CNTN6: variants seen among roughly 807,000 people sequenced by gnomAD.
CNTN6 encodes contactin-6.
In CNTN6, 137 loss-of-function variants were observed where a neutral mutation model predicts 122.8. That is an observed-to-expected ratio of 1.12 (90% CI 0.97 to 1.29). The LOEUF (loss-of-function observed/expected upper bound fraction) is 1.29. Among genes scored for constraint, CNTN6 ranks in the 50% most tolerant of loss-of-function variants. The pLI is 0.00. For synonymous variants in CNTN6, 570 were observed against 426.0 expected (o/e 1.34, Z -4.16); for missense variants, 1,634 against 1,223.4 (o/e 1.34, Z -5.01).
intron 4 of CNTN6, among the ~76,000 whole-genome samples, chr3:1,238,671 A>G (rs2094448737): frequency 6.6e-6 from 1 of 152,202 alleles, no homozygotes; most frequent in Non-Finnish European, 1.5e-5. Context: ...ACATTCTCCA[A>G]CATAGACCAT....
At chr3:1,101,009 C>T (rs1384794425) in intron 1 of CNTN6, among the ~76,000 whole-genome samples, 1 of 151,940 alleles carries the variant, frequency 6.6e-6, no homozygotes, top group African/African-American at 2.4e-5. Context: ...TATGGGAGAC[C>T]AACCTTGTTT....
chr3:1,158,897 T>C (rs1575063990), intron 2 of CNTN6, among the ~76,000 whole-genome samples: 3 of 133,496 alleles, frequency 2.2e-5, no homozygotes, highest in African/African-American at 9.1e-5. Context: ...CACACATATA[T>C]ATACACATAT....
At chr3:1,166,050 T>C (rs2093240542) in intron 2 of CNTN6, among the ~76,000 whole-genome samples, 1 of 152,182 alleles carries the variant, frequency 6.6e-6, no homozygotes, top group Non-Finnish European at 1.5e-5. Flanking sequence ...GAAAGAGAAG[T>C]ATAACTTATG....
At chr3:1,375,052 C>A (rs1026335748) in intron 16 of CNTN6, among the ~76,000 whole-genome samples, 31 of 151,982 alleles carry the variant, frequency 2.0e-4, no homozygotes, top group African/African-American at 3.9e-4. Flanking sequence ...GATTTTTACA[C>A]CCAGCATTCT....
intron 8 of CNTN6, among the ~76,000 whole-genome samples, chr3:1,323,556 A>G (rs1348985115): frequency 1.3e-5 from 2 of 151,972 alleles, no homozygotes; most frequent in African/African-American, 4.8e-5. Flanking sequence ...ATAATAACTG[A>G]GAAATTCAAG....
At chr3:1,210,901 G>A (rs912879115) in intron 2 of CNTN6, among the ~76,000 whole-genome samples, 3 of 152,164 alleles carry the variant, frequency 2.0e-5, no homozygotes, top group Non-Finnish European at 2.9e-5. Context: ...GCTTTTTAAT[G>A]GCACTTTCCT....
intron 12 of CNTN6, among the ~76,000 whole-genome samples, chr3:1,372,002 A>G (rs1468480131): frequency 6.6e-6 from 1 of 152,188 alleles, no homozygotes; most frequent in Non-Finnish European, 1.5e-5. Context: ...AATATAACAA[A>G]AACAATGCAG....
chr3:1,236,742 A>G (rs1446648911), intron 4 of CNTN6, among the ~76,000 whole-genome samples: 1 of 152,218 alleles, frequency 6.6e-6, no homozygotes, highest in Admixed American at 6.5e-5. Flanking sequence ...AAACTTCTGA[A>G]TTGCCAGGAA....
At chr3:1,242,888 T>C (rs13097296) in intron 4 of CNTN6, among the ~76,000 whole-genome samples, 22,240 of 145,138 alleles carry the variant, frequency 0.15, 1,683 homozygotes, top group Non-Finnish European at 0.16. Context: ...AGCCTGGCCG[T>C]CAATACCCAC....
intron 1 of CNTN6, among the ~76,000 whole-genome samples, chr3:1,140,653 G>A (rs2092587337): frequency 6.6e-6 from 1 of 152,134 alleles, no homozygotes; most frequent in Non-Finnish European, 1.5e-5. Flanking sequence ...AAAGGCATAT[G>A]AGAGATACTC....
intron 16 of CNTN6, among the ~76,000 whole-genome samples, chr3:1,374,957 C>T (rs1242525541): frequency 6.6e-6 from 1 of 151,944 alleles, no homozygotes; most frequent in African/African-American, 2.4e-5. Context: ...AGAGGAAATC[C>T]CTTTGTTTTA....
intron 2 of CNTN6, among the ~76,000 whole-genome samples, chr3:1,204,972 AT>A (rs2093938672): frequency 6.6e-6 from 1 of 152,138 alleles, no homozygotes; most frequent in Non-Finnish European, 1.5e-5. Flanking sequence ...TAAAAATGGA[AT>A]TGAGGTTGCT....
chr3:1,245,295 CATATATATATAT>C (rs71056326), intron 4 of CNTN6, among the ~76,000 whole-genome samples: 87 of 3,806 alleles, frequency 0.023, 20 homozygotes, highest in African/African-American at 0.067. Context: ...ATATATATAA[CATATATATATAT>C]ATATATATAT....
At chr3:1,213,023 G>GA (rs370589246) in intron 2 of CNTN6, among the ~76,000 whole-genome samples, 77 of 152,238 alleles carry the variant, frequency 5.1e-4, no homozygotes, top group African/African-American at 1.8e-3. Context: ...AAGTTACTTA[G>GA]AAAAATGTCT....
chr3:1,244,284 G>T (rs797021925), intron 4 of CNTN6, among the ~76,000 whole-genome samples: 2 of 152,286 alleles, frequency 1.3e-5, no homozygotes, highest in African/African-American at 4.8e-5. Flanking sequence ...AGAGAAAAGA[G>T]AGCGTAGAGA....
At chr3:1,281,326 C>T (rs896209387) in intron 5 of CNTN6, among the ~76,000 whole-genome samples, 10 of 152,048 alleles carry the variant, frequency 6.6e-5, no homozygotes, top group African/African-American at 2.2e-4. Flanking sequence ...TGGGGGCAGA[C>T]GGAGTTAACA....
intron 11 of CNTN6, among the ~76,000 whole-genome samples, chr3:1,332,493 A>G (rs1413187510): frequency 8.3e-6 from 1 of 121,184 alleles, no homozygotes; most frequent in African/African-American, 3.2e-5. Context: ...AAAGGAAGGA[A>G]AAAAGGAAGG....
chr3:1,260,108 A>G (rs1246634170), intron 4 of CNTN6, among the ~76,000 whole-genome samples: 1 of 152,166 alleles, frequency 6.6e-6, no homozygotes, highest in Admixed American at 6.6e-5. Flanking sequence ...TAGAGAAACA[A>G]TTTAGTGAAA....
chr3:1,115,646 G>A (rs746958584), intron 1 of CNTN6, among the ~76,000 whole-genome samples: 23 of 152,178 alleles, frequency 1.5e-4, no homozygotes, highest in Non-Finnish European at 2.6e-4. Context: ...CAACTACTCA[G>A]GAGGCTGAGG....
Sources: gnomAD v4.1 joint callset for allele counts (sites outside exome capture counted in the v4.1 genomes callset) on GRCh38, gnomAD v4.1.1 for gene constraint, MANE v1.5 for transcripts, NCBI Gene and HGNC (gene_info 2026-07-23, HGNC 2026-07-21) for gene names.